EMB: variants seen among roughly 807,000 people sequenced by gnomAD.
EMB encodes the protein embigin homolog.
A neutral mutation model predicts 41.4 loss-of-function variants in EMB; 31 were observed. The ratio of observed to expected loss-of-function variants is 0.75; its 90% CI spans 0.56 to 1.01. The LOEUF (loss-of-function observed/expected upper bound fraction) is 1.01, where lower values mean the gene tolerates loss of function less well. Ranked by LOEUF, EMB falls within the 50% of genes least tolerant of loss-of-function variation. The pLI is 0.00. For missense variants in EMB, 379 were observed against 388.3 expected (o/e 0.98, Z 0.20); for synonymous variants, 137 against 140.4 (o/e 0.98, Z 0.17).
In EMB at chr5:50,402,467, C is replaced by CTG. The variant is rs564051994; in HGVS notation, c.878-149_878-148insCA. The stretch of plus-strand genomic sequence containing the variant: ...AGGAGAGACATGCTACCTTAAACAC[C>CTG]TACACCTCCTTTATCTGCACTACAG... On this transcript the variant is annotated intron_variant, in intron 6 of 8. Coordinates refer to ENST00000303221, the MANE Select transcript of EMB (RefSeq NM_198449.3). 1,108 of 703,196 alleles carry CTG rather than the reference C, an allele frequency of 1.6e-3. 3 individuals are homozygous for CTG. The highest frequency in any genetic ancestry group is 2.3e-3 in the Non-Finnish European group (900 of 394,380). The allele number at this position is 703,196 out of a possible 1,614,324, so 43.6% of individuals were successfully genotyped here.
At chr5:50,428,442 A>T in intron 1 of EMB, 1 of 1,190,384 alleles carries the variant, frequency 8.4e-7, no homozygotes, top group Non-Finnish European at 1.0e-6. Context: ...TTAACCTAAA[A>T]ATCCCTACTG....
rs35327819 is a variant in EMB at position 50,396,796 on chromosome 5, G to GC, written c.*2476_*2477insG. On this transcript the variant is annotated 3_prime_UTR_variant, in exon 9 of 9. Transcript: ENST00000303221. Reference sequence around the variant, plus strand: ...CTGAGGTAGGAAAATCAAGGCATTAGTGTTGCAGCAGGTGTGGGCAGAGTT... The same window carrying GC: ...CTGAGGTAGGAAAATCAAGGCATTAGCTGTTGCAGCAGGTGTGGGCAGAGTT... 76,872 of 151,828 alleles carry GC rather than the reference G, an allele frequency of 0.51. 20,417 individuals carry two copies. Among genetic ancestry groups the GC allele is most frequent in the African/African-American group, 0.67 (27,603 of 41,370 alleles). The allele number at this position is 151,828 out of a possible 1,614,324, so 9.4% of individuals were successfully genotyped here.
intron 2 of EMB, 27 bp downstream of exon 2, chr5:50,428,117 G>C: frequency 3.3e-6 from 5 of 1,506,396 alleles, no homozygotes; most frequent in Non-Finnish European, 4.6e-6. Flanking sequence ...TTTTCGAATT[G>C]CATTATTTGA....
At chr5:50,417,002 G>A (rs970516314) in intron 2 of EMB, among the ~76,000 whole-genome samples, 3 of 152,232 alleles carry the variant, frequency 2.0e-5, no homozygotes, top group African/African-American at 4.8e-5. Flanking sequence ...ACACTGCCCA[G>A]GGGTACCCCT....
intron 2 of EMB, among the ~76,000 whole-genome samples, chr5:50,424,938 G>C (rs1197493923): frequency 6.6e-6 from 1 of 152,050 alleles, no homozygotes; most frequent in Admixed American, 6.6e-5. Context: ...GCTATGGGTA[G>C]ATCCCTCTTC....
At chr5:50,414,211 AG>A (rs1231018343) in intron 2 of EMB, among the ~76,000 whole-genome samples, 1 of 152,174 alleles carries the variant, frequency 6.6e-6, no homozygotes, top group East Asian at 1.9e-4. Context: ...GCCAAAATGT[AG>A]AAAGAAAAAT....
At chr5:50,436,842 G>A (rs1001643820) in intron 1 of EMB, among the ~76,000 whole-genome samples, 1 of 152,204 alleles carries the variant, frequency 6.6e-6, no homozygotes, top group African/African-American at 2.4e-5. Flanking sequence ...AGAGGTAGGA[G>A]GGAAGGGAAC....
Position 50,399,928 on chromosome 5 carries a change from AAAAAG to A in EMB, c.912-20_912-16del, listed in dbSNP as rs1561129500. The A allele has an allele frequency of 1.3e-6, 2 of 1,590,876 alleles. No homozygotes were observed. On this transcript the variant is annotated splice_polypyrimidine_tract_variant and intron_variant, in intron 7 of 8. Transcript: ENST00000303221. ...CATCTGATTTCCTGCACAGAAAACA[AAAAAG>A]AAAATTACTAAATGCTTATATTATA... is the stretch of plus-strand genomic sequence containing the variant.
In EMB at chr5:50,441,119, C is replaced by G. The variant is rs1028444021; in HGVS notation, c.33G>C (p.Arg11Ser). 1.1e-4 allele frequency: 167 copies of G among 1,511,916 alleles called. No homozygotes were observed. The highest frequency in any genetic ancestry group is 2.2e-4 in the Middle Eastern group (1 of 4,502). 93.7% of individuals were successfully genotyped at this position (1,511,916 alleles called of 1,614,324 possible). A position where few individuals can be genotyped will look rare whatever the true frequency, so the allele number is the denominator to read the frequency against. The change falls in exon 1 of 9, where the codon AGG becomes AGC. Residue 11 changes from arginine to serine, a missense_variant. Transcript: ENST00000303221. MRALPGLLEA[R>S]ARTPRLLLLQ... ...GGAGGAGCAGCCGGGGCGTACGCGC[C>G]CTGGCCTCCAGCAGGCCGGGGAGGG...
chr5:50,437,770 G>A (rs1390047327), intron 1 of EMB, among the ~76,000 whole-genome samples: 1 of 151,958 alleles, frequency 6.6e-6, no homozygotes, highest in Non-Finnish European at 1.5e-5. Flanking sequence ...TAGGGAAGGG[G>A]GTTCATAAAG....
Position 50,397,666 on chromosome 5 carries a change from T to C in EMB, c.*1607A>G, listed in dbSNP as rs1347689139. On this transcript the variant is annotated 3_prime_UTR_variant, in exon 9 of 9. Coordinates refer to ENST00000303221, the MANE Select transcript of EMB (RefSeq NM_198449.3). The stretch of plus-strand genomic sequence containing the variant: ...AACTGATTGGTTATCTACCATTATA[T>C]AGATATTACCCAAGTAATGTTGTCA... 4 of 152,086 alleles carry C rather than the reference T, an allele frequency of 2.6e-5. No homozygotes were observed. Among genetic ancestry groups the C allele is most frequent in the African/African-American group, 9.7e-5 (4 of 41,430 alleles). 9.4% of individuals were successfully genotyped at this position (152,086 alleles called of 1,614,324 possible).
chr5:50,417,991 A>C (rs141980756), intron 2 of EMB, among the ~76,000 whole-genome samples: 1 of 152,240 alleles, frequency 6.6e-6, no homozygotes, highest in African/African-American at 2.4e-5. Context: ...TAAGGCATGT[A>C]ATGGTTATTT....
At position 50,403,426 on chromosome 5, in the gene EMB, T is replaced by C. The variant is rs781528653; in HGVS notation, c.629A>G (p.Tyr210Cys). 1 of 1,612,246 alleles carries C rather than the reference T, an allele frequency of 6.2e-7. No individual in the cohort carries two copies. Among genetic ancestry groups the C allele is most frequent in the Non-Finnish European group, 8.5e-7 (1 of 1,178,924 alleles). ...KVPVGVQMNK[Y>C]VINGTYANET... The stretch of plus-strand genomic sequence containing the variant: ...GTTAGCATATGTTCCATTGATCACA[T>C]ATTTATTCATTTGAACACCAACAGG... The change falls in exon 6 of 9, where the codon TAT (tyrosine) becomes TGT (cysteine). Residue 210 changes from tyrosine (Y) to cysteine (C), a missense_variant. Transcript: ENST00000303221.
intron 1 of EMB, among the ~76,000 whole-genome samples, chr5:50,434,887 A>T (rs1334526105): frequency 6.6e-6 from 1 of 152,234 alleles, no homozygotes; most frequent in African/African-American, 2.4e-5. Context: ...ACATCAGCAT[A>T]TATGTCATAA....
At chr5:50,441,389 G>A, upstream of EMB, 1 of 333,880 alleles carries the variant, frequency 3.0e-6, no homozygotes, top group Non-Finnish European at 5.4e-6. Flanking sequence ...GGCTGCTGGC[G>A]TTCCCGGATG....
chr5:50,436,280 T>G (rs959288709), intron 1 of EMB, among the ~76,000 whole-genome samples: 4 of 152,224 alleles, frequency 2.6e-5, no homozygotes, highest in African/African-American at 4.8e-5. Context: ...AGATAGGGAT[T>G]TAATGTCATG....
chr5:50,431,430 G>A (rs1018215863), intron 1 of EMB, among the ~76,000 whole-genome samples: 19 of 152,152 alleles, frequency 1.2e-4, no homozygotes, highest in Admixed American at 3.9e-4. Flanking sequence ...GGAGACTCAG[G>A]CAGATGTGGT....
In EMB at chr5:50,441,208, C is replaced by T. The variant is rs1452823625; in HGVS notation, c.-57G>A. 35 of 1,141,102 alleles carry T rather than the reference C, an allele frequency of 3.1e-5. 1 individual carries two copies. The South Asian group carries it at 5.5e-4, about 18-fold the overall frequency. 70.7% of individuals were successfully genotyped at this position (1,141,102 alleles called of 1,614,324 possible). On this transcript the variant is annotated 5_prime_UTR_variant, in exon 1 of 9. Coordinates refer to ENST00000303221, the MANE Select transcript of EMB (RefSeq NM_198449.3). Reference sequence around the variant, plus strand: ...AGACTGCTCCCTCAGCTCGCCGCCGCGGGTGTCCAGAGTCCCTGCGCACAC... The same window carrying T: ...AGACTGCTCCCTCAGCTCGCCGCCGTGGGTGTCCAGAGTCCCTGCGCACAC...
chr5:50,432,159 T>C (rs1745729976), intron 1 of EMB, among the ~76,000 whole-genome samples: 1 of 152,166 alleles, frequency 6.6e-6, no homozygotes, highest in Non-Finnish European at 1.5e-5. Context: ...CTTTTTTAAA[T>C]CAGGAAATAA....
Sources: allele counts gnomAD v4.1 joint callset (sites outside exome capture counted in the v4.1 genomes callset), GRCh38; gene constraint gnomAD v4.1.1; transcripts MANE v1.5; gene names NCBI Gene and HGNC (gene_info 2026-07-23, HGNC 2026-07-21).